MEIKIN: variants seen among roughly 807,000 people sequenced by gnomAD.
MEIKIN encodes the protein meiotic kinetochore factor.
chr5:131,872,125 G>T (rs1311698181), intron 9 of MEIKIN, among the ~76,000 whole-genome samples: 1 of 152,188 alleles, frequency 6.6e-6, no homozygotes, highest in Non-Finnish European at 1.5e-5. Flanking sequence ...CTCCTCACCA[G>T]CAACGGAACA....
chr5:131,903,605 A>G, intron 8 of MEIKIN, among the ~76,000 whole-genome samples: 1 of 152,062 alleles, frequency 6.6e-6, no homozygotes, highest in Non-Finnish European at 1.5e-5. Context: ...TTGTTAGCAC[A>G]AGACCTGCCT....
At chr5:131,938,106 T>G (rs1191021473) in intron 4 of MEIKIN, among the ~76,000 whole-genome samples, 4 of 152,072 alleles carry the variant, frequency 2.6e-5, no homozygotes, top group African/African-American at 9.7e-5. Flanking sequence ...ATTTTTCTTG[T>G]TAAAATAACA....
chr5:131,871,270 C>T (rs552775314), intron 9 of MEIKIN, among the ~76,000 whole-genome samples: 15 of 152,332 alleles, frequency 9.8e-5, no homozygotes, highest in East Asian at 1.9e-4. Context: ...GGGTGACAGA[C>T]GGCACCTGGA....
rs369396611 is a variant in MEIKIN, at chr5:131,944,668, C to T, written c.285G>A (p.Leu95=). The T allele has an allele frequency of 6.5e-5, 26 of 398,960 alleles. No homozygotes were observed. The highest frequency in any genetic ancestry group is 1.8e-4 in the East Asian group (5 of 28,092). The allele number at this position is 398,960 out of a possible 1,614,324, so 24.7% of individuals were successfully genotyped here. ...ACTAAAAGAGAAGCATACATACACG[C>T]AACGATGCAATCTTCTCATCCTGGG... ...EDTQDEKIAS[L]RESVTDDLQV... is the part of the protein sequence containing the mutation. The change falls in exon 3 of 13, where the codon TTG becomes TTA. Residue 95 remains leucine, a synonymous_variant. Transcript: ENST00000442687.
At chr5:131,817,896 C>A (rs1382261528) in intron 12 of MEIKIN, among the ~76,000 whole-genome samples, 1 of 152,086 alleles carries the variant, frequency 6.6e-6, no homozygotes, top group African/African-American at 2.4e-5. Context: ...CATAAAAATT[C>A]CAAAGTGCCA....
At chr5:131,889,960 T>C (rs1750878215) in intron 8 of MEIKIN, among the ~76,000 whole-genome samples, 2 of 152,184 alleles carry the variant, frequency 1.3e-5, no homozygotes, top group African/African-American at 4.8e-5. Context: ...TCTGCATCTA[T>C]TGAGATCATC....
rs913247184 is a variant in MEIKIN, at chr5:131,902,436, T to TA, written c.703+9378dup. Among the ~76,000 whole-genome samples, 145 of 145,104 alleles carry TA rather than the reference T, an allele frequency of 1.0e-3. 1 individual carries two copies. Among genetic ancestry groups the TA allele is most frequent in the African/African-American group, 2.3e-3 (93 of 39,616 alleles). ...TGACAGAGTGAGATCTTTCTCAATT[T>TA]AAAAAAAAAAAGAAGAAGTTTCCTG... On this transcript the variant is annotated intron_variant, in intron 8 of 12. Transcript: ENST00000442687.
At chr5:131,875,595 A>G (rs1259177887) in intron 9 of MEIKIN, among the ~76,000 whole-genome samples, 1 of 152,174 alleles carries the variant, frequency 6.6e-6, no homozygotes, top group African/African-American at 2.4e-5. Context: ...ATTCAATGCC[A>G]TCCCCATCAA....
intron 12 of MEIKIN, among the ~76,000 whole-genome samples, chr5:131,815,916 A>G (rs1482595366): frequency 1.3e-5 from 2 of 152,218 alleles, no homozygotes; most frequent in Non-Finnish European, 2.9e-5. Context: ...AGGTGGTTAT[A>G]AATACCTGTT....
chr5:131,923,639 C>T (rs940956402), intron 5 of MEIKIN, among the ~76,000 whole-genome samples: 1 of 151,482 alleles, frequency 6.6e-6, no homozygotes, highest in South Asian at 2.1e-4. Context: ...AGAACAGCCT[C>T]TTCTTCATAG....
At chr5:131,906,328 C>G (rs1321399904) in intron 8 of MEIKIN, among the ~76,000 whole-genome samples, 3 of 152,198 alleles carry the variant, frequency 2.0e-5, no homozygotes. Flanking sequence ...CCATCTCACA[C>G]TAGTCAGAAT....
intron 9 of MEIKIN, among the ~76,000 whole-genome samples, chr5:131,875,781 T>C (rs930825008): frequency 6.6e-6 from 1 of 152,174 alleles, no homozygotes; most frequent in African/African-American, 2.4e-5. Context: ...AGCATGGTAC[T>C]GGTACCAAAA....
At chr5:131,818,113 G>C (rs1361972664) in intron 12 of MEIKIN, among the ~76,000 whole-genome samples, 1 of 152,142 alleles carries the variant, frequency 6.6e-6, no homozygotes, top group African/African-American at 2.4e-5. Context: ...GTCTTAATAT[G>C]TAAAATGGGA....
chr5:131,868,102 T>G (rs1350331820), intron 9 of MEIKIN, among the ~76,000 whole-genome samples: 1 of 152,186 alleles, frequency 6.6e-6, no homozygotes, highest in Non-Finnish European at 1.5e-5. Context: ...TGTTTCTGGT[T>G]TTTTTGAAAC....
intron 4 of MEIKIN, among the ~76,000 whole-genome samples, chr5:131,941,740 G>T (rs1302699182): frequency 6.6e-6 from 1 of 152,078 alleles, no homozygotes; most frequent in Non-Finnish European, 1.5e-5. Context: ...CATCTTAAAT[G>T]CACTCATAAC....
chr5:131,914,609 A>AG (rs1268874807), intron 7 of MEIKIN, among the ~76,000 whole-genome samples: 343 of 1,394 alleles, frequency 0.25, 4 homozygotes, highest in African/African-American at 0.34. Flanking sequence ...AGGGAAGGGA[A>AG]GGAAAGGGAA....
chr5:131,902,047 T>G (rs1751167353), intron 8 of MEIKIN, among the ~76,000 whole-genome samples: 1 of 152,108 alleles, frequency 6.6e-6, no homozygotes, highest in Non-Finnish European at 1.5e-5. Context: ...CCTTTAAAAG[T>G]GTATAGTACC....
At chr5:131,877,238 A>C (rs1036110325) in intron 9 of MEIKIN, among the ~76,000 whole-genome samples, 2 of 152,158 alleles carry the variant, frequency 1.3e-5, no homozygotes, top group African/African-American at 4.8e-5. Flanking sequence ...AAACAAACAG[A>C]AACTAACTAC....
intron 9 of MEIKIN, among the ~76,000 whole-genome samples, chr5:131,861,867 G>A (rs1354004015): frequency 6.6e-6 from 1 of 152,038 alleles, no homozygotes; most frequent in South Asian, 2.1e-4. Flanking sequence ...ATTTTGTTGA[G>A]GATTTTTGTG....
Sources: allele counts gnomAD v4.1 joint callset (sites outside exome capture counted in the v4.1 genomes callset), GRCh38; gene constraint gnomAD v4.1.1; transcripts MANE v1.5; gene names NCBI Gene and HGNC (gene_info 2026-07-23, HGNC 2026-07-21).